Variants in SLIT1 observed in about 807,000 individuals in gnomAD.
The protein encoded by SLIT1 is slit homolog 1 protein.
SLIT1 carries 66 observed loss-of-function variants against 186.1 expected under a neutral mutation model. The observed-to-expected ratio is 0.35, with a 90% CI of 0.29 to 0.44. SLIT1 has a LOEUF of 0.44. SLIT1 is among the 20% of genes least tolerant of loss of function. The pLI, the probability that SLIT1 is intolerant of heterozygous loss-of-function variation, is 1.00. For missense variants in SLIT1, 1,638 were observed against 2,037.4 expected (o/e 0.80, Z 3.77); for synonymous variants, 761 against 833.8 (o/e 0.91, Z 1.50).
At chr10:97,014,283 G>A (rs1355081079) in intron 28 of SLIT1, 125 bp from the exon 29 acceptor site, 2 of 1,099,484 alleles carry the variant, frequency 1.8e-6, no homozygotes, top group South Asian at 1.4e-5. Flanking sequence ...CCCTTGCCAG[G>A]TGCTGGGTAG....
intron 23 of SLIT1, among the ~76,000 whole-genome samples, chr10:97,032,632 C>G (rs1368870089): frequency 6.6e-6 from 1 of 152,132 alleles, no homozygotes; most frequent in Non-Finnish European, 1.5e-5. Flanking sequence ...TTCCAGAGCC[C>G]ACAGGCTAAG....
At position 97,034,497 on chromosome 10, in the gene SLIT1, G is replaced by T; in HGVS notation, c.2412C>A (p.Phe804Leu). ...GAGTGGTCAGCTGGCTCATGTTGGT[G>T]AAGGAGGAATTGCTTAAGGAACTGA... is the stretch of plus-strand genomic sequence containing the variant. ...NKISSLSNSS[F>L]TNMSQLTTLI... The change falls in exon 23 of 37, where the codon TTC (phenylalanine) becomes TTA (leucine). Residue 804 changes from phenylalanine to leucine, a missense_variant. Around this residue, in one of 3 missense-constraint regions of SLIT1, gnomAD observed 1,245 missense variants for 1,535.3 expected, o/e 0.81. Coordinates refer to ENST00000266058, the MANE Select transcript of SLIT1 (RefSeq NM_003061.3). 6.2e-7 allele frequency: 1 copy of T among 1,613,696 alleles called. No individual in the cohort carries two copies. The highest frequency in any genetic ancestry group is 8.5e-7 in the Non-Finnish European group (1 of 1,179,736).
intron 4 of SLIT1, among the ~76,000 whole-genome samples, chr10:97,116,339 A>G (rs1849510167): frequency 6.6e-6 from 1 of 152,062 alleles, no homozygotes; most frequent in African/African-American, 2.4e-5. Context: ...CCATCTCCTG[A>G]GCTAGCCGAA....
intron 4 of SLIT1, among the ~76,000 whole-genome samples, chr10:97,092,794 C>T (rs1849247078): frequency 6.6e-6 from 1 of 152,168 alleles, no homozygotes; most frequent in Non-Finnish European, 1.5e-5. Context: ...GGGCAAGACC[C>T]AAAAATGATA....
intron 4 of SLIT1, among the ~76,000 whole-genome samples, chr10:97,070,596 T>C (rs992271673): frequency 5.9e-5 from 9 of 152,338 alleles, no homozygotes; most frequent in Non-Finnish European, 8.8e-5. Context: ...ATAGGTCATG[T>C]GAGCTCCATC....
rs375884770 is a variant in SLIT1, at chr10:97,063,481, A to G, written c.767T>C (p.Val256Ala). 3 of 1,612,708 alleles carry G rather than the reference A, an allele frequency of 1.9e-6. No homozygotes were observed. The African/African-American group carries it at 4.0e-5, about 22-fold the overall frequency. The change falls in exon 8 of 37, where the codon GTC (valine) becomes GCC (alanine). Residue 256 changes from valine to alanine, a missense_variant. Transcript: ENST00000266058. ...TGAGCAGCTGAACTCACTCTTCTGG[A>G]CCTCTGCCACATTGAGGCCACGCAG... Reference protein sequence around the residue: ...ASLRGLNVAEVQKSEFSCSGQ... With the variant: ...ASLRGLNVAEAQKSEFSCSGQ...
At chr10:97,107,491 T>C (rs1849425743) in intron 4 of SLIT1, among the ~76,000 whole-genome samples, 1 of 152,200 alleles carries the variant, frequency 6.6e-6, no homozygotes, top group Admixed American at 6.5e-5. Flanking sequence ...AGAGCTCTGC[T>C]GATTCCCCTT....
chr10:97,087,681 C>G (rs1849179923), intron 4 of SLIT1, among the ~76,000 whole-genome samples: 1 of 152,196 alleles, frequency 6.6e-6, no homozygotes, highest in Admixed American at 6.5e-5. Flanking sequence ...GGCTCCTGTC[C>G]TGAGTATCTA....
In SLIT1 at chr10:97,046,810, GC is replaced by G. The variant is rs1346088894; in HGVS notation, c.1710-14del. 1 of 1,609,776 alleles carries G rather than the reference GC, an allele frequency of 6.2e-7. No homozygotes were observed. Among genetic ancestry groups the G allele is most frequent in the East Asian group, 2.2e-5 (1 of 44,890 alleles). On this transcript the variant is annotated splice_polypyrimidine_tract_variant and intron_variant, in intron 17 of 36. Coordinates refer to ENST00000266058, the MANE Select transcript of SLIT1 (RefSeq NM_003061.3). ...GTTGCTCAGATTGCTGGGAGAAGAG[GC>G]GGGGGGAGGATTACATATGGCCAGC... is the stretch of plus-strand genomic sequence containing the variant.
At chr10:97,166,459 T>G (rs1163762368) in intron 1 of SLIT1, among the ~76,000 whole-genome samples, 3 of 147,850 alleles carry the variant, frequency 2.0e-5, no homozygotes, top group Non-Finnish European at 3.0e-5. Context: ...GAGGTTGAAG[T>G]GAGCCAGGAC....
In SLIT1 at chr10:97,185,640, C is replaced by A; in HGVS notation, c.35G>T (p.Gly12Val). The change falls in exon 1 of 37, where the codon GGG becomes GTG. Residue 12 changes from glycine (G) to valine (V), a missense_variant. Physicochemically the swap from Gly to Val is moderately radical, Grantham distance 109. Transcript: ENST00000266058. ...ALTPGWGSSAGPVRPELWLLL... is the reference protein window; with the variant it reads ...ALTPGWGSSAVPVRPELWLLL... ...CAGCCAGAGCTCCGGCCGGACCGGC[C>A]CCGCCGAGGACCCCCACCCGGGAGT... 6.5e-7 allele frequency: 1 copy of A among 1,544,840 alleles called. No individual in the cohort carries two copies. Among genetic ancestry groups the A allele is most frequent in the Non-Finnish European group, 8.7e-7 (1 of 1,147,134 alleles).
chr10:97,047,877 C>G (rs375179126), intron 15 of SLIT1, 43 bp from the exon 16 acceptor site: 1 of 1,613,192 alleles, frequency 6.2e-7, no homozygotes, highest in Non-Finnish European at 8.5e-7. Context: ...AGCCCGGGGC[C>G]GGCTCCCAGC....
In SLIT1 at chr10:97,004,090, G is replaced by A. The variant is rs759559857; in HGVS notation, c.3843C>T (p.Ser1281=). The change falls in exon 34 of 37, where the codon AGC becomes AGT. Residue 1281 remains serine (S), a synonymous_variant. Transcript: ENST00000266058. The surrounding 1 kb of genome is among the most constrained non-coding windows in gnomAD (Gnocchi z 5.1). The part of the protein sequence containing the change: ...DNFGKHYTLN[S]EAPLYVGGMP... ...CACCTCCCACATAGAGTGGCGCCTC[G>A]CTGTTGAGCGTGTAATGTTTGCCAA... 36 of 1,611,730 alleles carry A rather than the reference G, an allele frequency of 2.2e-5. No homozygotes were observed. The East Asian group carries it at 5.8e-4, about 26-fold the overall frequency.
chr10:97,119,054 A>G (rs185093163), intron 4 of SLIT1, among the ~76,000 whole-genome samples: 1 of 152,230 alleles, frequency 6.6e-6, no homozygotes, highest in Non-Finnish European at 1.5e-5. Flanking sequence ...TGGGCCATTC[A>G]GGCAGGCACT....
chr10:97,072,941 T>C (rs551313545), intron 4 of SLIT1, among the ~76,000 whole-genome samples: 1 of 152,308 alleles, frequency 6.6e-6, no homozygotes, highest in Non-Finnish European at 1.5e-5. Context: ...ACAACCTCCA[T>C]TTAGCAGCAT....
chr10:97,169,968 C>T (rs1230375463), intron 1 of SLIT1, among the ~76,000 whole-genome samples: 1 of 152,250 alleles, frequency 6.6e-6, no homozygotes, highest in Non-Finnish European at 1.5e-5. Flanking sequence ...CCTCATGTTG[C>T]TGGACTCTCC....
intron 11 of SLIT1, among the ~76,000 whole-genome samples, chr10:97,058,534 A>T (rs898462820): frequency 6.6e-6 from 1 of 152,218 alleles, no homozygotes; most frequent in African/African-American, 2.4e-5. Context: ...TATCATGTAC[A>T]GCTGTGTAGG....
chr10:97,043,542 G>A lies in SLIT1; in HGVS notation c.1854-29C>T. The A allele has an allele frequency of 1.3e-6, 2 of 1,596,952 alleles. No homozygotes were observed. The highest frequency in any genetic ancestry group is 1.7e-6 in the Non-Finnish European group (2 of 1,168,430). On this transcript the variant is annotated intron_variant, in intron 18 of 36. Coordinates refer to ENST00000266058, the MANE Select transcript of SLIT1 (RefSeq NM_003061.3). This position sits in a 1 kb window ranked among gnomAD's most constrained non-coding sequence, Gnocchi z 7.0. ...GGGAGGAACGGGGGAGGGAGGAGGGGACCCTTGCTGCCCTGCCAGCCATCC... is the reference window on the plus strand; with the variant it reads ...GGGAGGAACGGGGGAGGGAGGAGGGAACCCTTGCTGCCCTGCCAGCCATCC...
intron 35 of SLIT1, 47 bp from the exon 36 acceptor site, chr10:97,002,416 C>T: frequency 6.9e-7 from 1 of 1,440,406 alleles, no homozygotes; most frequent in Non-Finnish European, 9.4e-7. Context: ...CCCAGCCAAG[C>T]CCCACCTGAC....
Sources: allele counts gnomAD v4.1 joint callset (sites outside exome capture counted in the v4.1 genomes callset), GRCh38; gene constraint gnomAD v4.1.1; regional missense constraint gnomAD v4.1.1; non-coding constraint Gnocchi (gnomAD v3.1); transcripts MANE v1.5; gene names NCBI Gene and HGNC (gene_info 2026-07-23, HGNC 2026-07-21).